Variants in CNTN5 observed in about 807,000 individuals in gnomAD.
CNTN5 encodes contactin 5.
CNTN5 carries 77 observed loss-of-function variants against 129.1 expected under a neutral mutation model. The observed-to-expected ratio is 0.60, with a 90% CI of 0.50 to 0.72. The LOEUF (loss-of-function observed/expected upper bound fraction) is 0.72. CNTN5 is among the 30% of genes least tolerant of loss of function. The probability of loss-of-function intolerance (pLI) is 0.00; values close to 1 mark genes in which losing one functional copy is unlikely to be tolerated. For synonymous variants in CNTN5, 509 were observed against 465.6 expected (o/e 1.09, Z -1.20); for missense variants, 1,478 against 1,328.8 (o/e 1.11, Z -1.75).
At chr11:99,117,129 C>A (rs1282138860) in intron 1 of CNTN5, among the ~76,000 whole-genome samples, 2 of 152,012 alleles carry the variant, frequency 1.3e-5, no homozygotes, top group Non-Finnish European at 2.9e-5. Context: ...TGGTTCTAGG[C>A]AAATTATTTT....
intron 2 of CNTN5, among the ~76,000 whole-genome samples, chr11:99,438,152 T>G (rs879558794): frequency 2.6e-5 from 4 of 152,240 alleles, no homozygotes; most frequent in Non-Finnish European, 5.9e-5. Context: ...TCCCTTAAGA[T>G]GTACTTCAAC....
intron 1 of CNTN5, among the ~76,000 whole-genome samples, chr11:99,256,718 T>C (rs1862393349): frequency 1.3e-5 from 2 of 152,094 alleles, no homozygotes; most frequent in Middle Eastern, 3.4e-3. Context: ...GTACAGCATA[T>C]AAAATAAAAT....
chr11:99,510,108 A>G (rs1380864330), intron 2 of CNTN5, among the ~76,000 whole-genome samples: 1 of 151,960 alleles, frequency 6.6e-6, no homozygotes, highest in African/African-American at 2.4e-5. Context: ...CAGAATAACT[A>G]TCCAATATAT....
chr11:100,165,444 T>C (rs1296170480), intron 13 of CNTN5, among the ~76,000 whole-genome samples: 1 of 84,570 alleles, frequency 1.2e-5, no homozygotes, highest in Non-Finnish European at 2.1e-5. Context: ...TAAGATAATG[T>C]ATTGAAAAGT....
intron 1 of CNTN5, among the ~76,000 whole-genome samples, chr11:99,069,477 T>G (rs946372847): frequency 6.6e-6 from 1 of 152,150 alleles, no homozygotes; most frequent in African/African-American, 2.4e-5. Context: ...ACATCATGTA[T>G]TTGTTTATGT....
chr11:99,307,720 C>T (rs1864936160), intron 1 of CNTN5, among the ~76,000 whole-genome samples: 1 of 152,022 alleles, frequency 6.6e-6, no homozygotes, highest in Non-Finnish European at 1.5e-5. Flanking sequence ...TGAGTCTAAC[C>T]ATTGATTTTA....
At chr11:100,180,016 C>G (rs896110481) in intron 13 of CNTN5, among the ~76,000 whole-genome samples, 2 of 151,954 alleles carry the variant, frequency 1.3e-5, no homozygotes, top group Non-Finnish European at 2.9e-5. Context: ...AAAAACTCTT[C>G]CAGAGATTTG....
At chr11:100,171,424 G>T (rs1413874946) in intron 13 of CNTN5, among the ~76,000 whole-genome samples, 1 of 151,912 alleles carries the variant, frequency 6.6e-6, no homozygotes, top group Non-Finnish European at 1.5e-5. Flanking sequence ...AATAATGAAG[G>T]TTACAATTCT....
intron 2 of CNTN5, among the ~76,000 whole-genome samples, chr11:99,474,274 A>G (rs1263596848): frequency 6.6e-6 from 1 of 151,916 alleles, no homozygotes; most frequent in African/African-American, 2.4e-5. Flanking sequence ...TTGGATTATG[A>G]TCTGCTGGAG....
chr11:99,270,521 A>C (rs1174218168), intron 1 of CNTN5, among the ~76,000 whole-genome samples: 1 of 152,004 alleles, frequency 6.6e-6, no homozygotes, highest in African/African-American at 2.4e-5. Context: ...TGGGAATATA[A>C]CTTTGAATAT....
chr11:99,986,270 T>TACCTCA (rs1182236423), intron 8 of CNTN5, among the ~76,000 whole-genome samples: 10 of 152,316 alleles, frequency 6.6e-5, no homozygotes, highest in Admixed American at 6.5e-4. Context: ...GCAAACCTCT[T>TACCTCA]ACCTCAACCT....
At chr11:99,496,464 A>C (rs1242220295) in intron 2 of CNTN5, among the ~76,000 whole-genome samples, 1 of 152,172 alleles carries the variant, frequency 6.6e-6, no homozygotes, top group East Asian at 1.9e-4. Context: ...TTAATATAGT[A>C]CTTGACATAT....
At chr11:99,715,423 G>T (rs979515094) in intron 3 of CNTN5, among the ~76,000 whole-genome samples, 1 of 151,698 alleles carries the variant, frequency 6.6e-6, no homozygotes, top group South Asian at 2.1e-4. Flanking sequence ...ACCACCAAGA[G>T]AGCAGAATAG....
chr11:99,468,844 C>G (rs899883004), intron 2 of CNTN5, among the ~76,000 whole-genome samples: 6 of 151,428 alleles, frequency 4.0e-5, no homozygotes, highest in African/African-American at 1.5e-4. Flanking sequence ...AAGCGATTCT[C>G]CTGTCTCAGG....
intron 7 of CNTN5, among the ~76,000 whole-genome samples, chr11:99,947,455 G>T (rs985096801): frequency 6.6e-6 from 1 of 151,744 alleles, no homozygotes; most frequent in Non-Finnish European, 1.5e-5. Context: ...TCTTCATGGT[G>T]CATGGCAACG....
At chr11:99,681,212 T>G (rs1288800828) in intron 3 of CNTN5, among the ~76,000 whole-genome samples, 1 of 152,062 alleles carries the variant, frequency 6.6e-6, no homozygotes, top group Admixed American at 6.6e-5. Flanking sequence ...TACAAAGTCT[T>G]TATAATATTA....
intron 3 of CNTN5, among the ~76,000 whole-genome samples, chr11:99,606,518 C>T (rs1396327004): frequency 7.0e-6 from 1 of 143,412 alleles, no homozygotes; most frequent in Non-Finnish European, 1.5e-5. Context: ...AATGGCCATA[C>T]TGCCCAAGGT....
intron 2 of CNTN5, among the ~76,000 whole-genome samples, chr11:99,363,522 C>A (rs933826246): frequency 6.6e-6 from 1 of 152,080 alleles, no homozygotes; most frequent in Non-Finnish European, 1.5e-5. Context: ...CCTATTTCTT[C>A]TTTCTCTAGC....
At position 99,701,170 on chromosome 11, in the gene CNTN5, C is replaced by T. The variant is rs571352626; in HGVS notation, c.56-118374C>T. On this transcript the variant is annotated intron_variant, in intron 3 of 24. Coordinates refer to ENST00000524871, the MANE Select transcript of CNTN5 (RefSeq NM_014361.4). ...AAATCAAAAGCAAAGTCTTGTTCTTCTTCTTCAGTAGATACAAATAGAAAT... is the reference window on the plus strand; with the variant it reads ...AAATCAAAAGCAAAGTCTTGTTCTTTTTCTTCAGTAGATACAAATAGAAAT... Among the ~76,000 whole-genome samples, 141 of 151,284 alleles carry T rather than the reference C, an allele frequency of 9.3e-4. 1 individual carries two copies. The highest frequency in any genetic ancestry group is 3.4e-3 in the African/African-American group (139 of 41,436).
Sources: gnomAD v4.1 joint callset for allele counts (sites outside exome capture counted in the v4.1 genomes callset) on GRCh38, gnomAD v4.1.1 for gene constraint, MANE v1.5 for transcripts, NCBI Gene and HGNC (gene_info 2026-07-23, HGNC 2026-07-21) for gene names.